The following DNAH9 variants were observed in gnomAD, a reference collection of about 807,000 sequenced individuals.
DNAH9 encodes the protein dynein axonemal heavy chain 9.
In DNAH9, 345 loss-of-function variants were observed where a neutral mutation model predicts 471.6. That is an observed-to-expected ratio of 0.73 (90% CI 0.67 to 0.80). DNAH9 has a LOEUF of 0.80. Among genes scored for constraint, DNAH9 ranks in the 30% least tolerant of loss-of-function variants. The pLI, the probability that DNAH9 is intolerant of heterozygous loss-of-function variation, is 0.00. For synonymous variants in DNAH9, 2,093 were observed against 2,123.6 expected (o/e 0.99, Z 0.40); for missense variants, 5,407 against 5,609.2 (o/e 0.96, Z 1.15).
intron 15 of DNAH9, among the ~76,000 whole-genome samples, chr17:11,666,402 C>T (rs888408835): frequency 3.3e-5 from 5 of 152,172 alleles, no homozygotes; most frequent in Admixed American, 1.3e-4. Flanking sequence ...GTGGGAAGGA[C>T]AGAGTGGGAC....
At chr17:11,652,209 C>T (rs1269568332) in intron 13 of DNAH9, among the ~76,000 whole-genome samples, 2 of 147,306 alleles carry the variant, frequency 1.4e-5, no homozygotes, top group South Asian at 2.2e-4. Context: ...GCTGTACCAG[C>T]TTTTGTGTGC....
At chr17:11,797,526 G>A (rs1969285750) in intron 42 of DNAH9, 71 bp from the exon 43 acceptor site, 3 of 1,254,938 alleles carry the variant, frequency 2.4e-6, no homozygotes. Flanking sequence ...AGCAAATCAG[G>A]TGTCTCTGCT....
At position 11,932,451 on chromosome 17, in the gene DNAH9, G is replaced by A. The variant is rs1364137000; in HGVS notation, c.12297+246G>A. 2.0e-5 allele frequency among the ~76,000 whole-genome samples: 3 copies of A among 152,118 alleles called. No individual in the cohort carries two copies. Among genetic ancestry groups the A allele is most frequent in the Admixed American group, 6.6e-5 (1 of 15,264 alleles). ...ATTTGAAACCTTGATAGTACAAATC[G>A]GAGCCCATGCATCAACATCATTGGC... On this transcript the variant is annotated intron_variant, in intron 64 of 68. Coordinates refer to ENST00000262442, the MANE Select transcript of DNAH9 (RefSeq NM_001372.4). This position sits in a 1 kb window ranked among gnomAD's most constrained non-coding sequence, Gnocchi z 4.3.
At chr17:11,698,178 A>AATT (rs1567728510) in intron 22 of DNAH9, among the ~76,000 whole-genome samples, 5 of 4,922 alleles carry the variant, frequency 1.0e-3, no homozygotes, top group Admixed American at 3.9e-3. Context: ...ATATTAATAT[A>AATT]TTATTATATT....
At chr17:11,617,696 A>G (rs1405656702) in intron 5 of DNAH9, 74 bp downstream of exon 5, 2 of 1,068,754 alleles carry the variant, frequency 1.9e-6, no homozygotes, top group Non-Finnish European at 2.8e-6. Context: ...GAGAAGAGAC[A>G]AGTGTCCTTT....
chr17:11,768,319 C>T (rs2090467395), intron 36 of DNAH9, 134 bp from the exon 37 acceptor site: 4 of 891,106 alleles, frequency 4.5e-6, no homozygotes, highest in Non-Finnish European at 3.5e-6. Context: ...CCTGGAGGAG[C>T]TGGTCTAGCC....
intron 67 of DNAH9, among the ~76,000 whole-genome samples, chr17:11,953,366 GC>G: frequency 6.6e-6 from 1 of 152,160 alleles, no homozygotes; most frequent in Non-Finnish European, 1.5e-5. Flanking sequence ...GACATCAGTG[GC>G]TTTACCTTGC....
chr17:11,694,241 A>T (rs1053110437), intron 21 of DNAH9, 80 bp from the exon 22 acceptor site: 2 of 1,474,672 alleles, frequency 1.4e-6, no homozygotes, highest in African/African-American at 2.8e-5. Context: ...TCTATTGCAT[A>T]TACATACATT....
chr17:11,744,951 T>C lies in DNAH9; in HGVS notation c.6266T>C (p.Ile2089Thr), dbSNP rs753579105. Residue 2089 changes from isoleucine (I) to threonine (T), a missense_variant, in exon 31 of 69, where the codon ATC becomes ACC. Ile to Thr is a moderately conservative substitution (Grantham distance 89). This residue lies in a region of DNAH9 where 4,636 missense variants were observed against 4,900.3 expected (regional missense o/e 0.95). Transcript: ENST00000262442. ...IPKIVTDDMP[I>T]FMGLIGDLFP... ...AAGATTGTGACTGATGACATGCCCA[T>C]CTTCATGGGCCTGATCGGGGACCTC... is the stretch of plus-strand genomic sequence containing the variant. 9 of 1,614,116 alleles carry C rather than the reference T, an allele frequency of 5.6e-6. No individual in the cohort carries two copies. Among genetic ancestry groups the C allele is most frequent in the Non-Finnish European group, 7.6e-6 (9 of 1,180,020 alleles).
In DNAH9 at chr17:11,654,073, AGGCCGGGCGCGGTGGC is replaced by A. The variant is rs2073572221; in HGVS notation, c.2595+1072_2595+1087del. Among the ~76,000 whole-genome samples, 2 of 131,868 alleles carry A rather than the reference AGGCCGGGCGCGGTGGC, an allele frequency of 1.5e-5. 1 individual carries two copies. Among genetic ancestry groups the A allele is most frequent in the Non-Finnish European group, 3.4e-5 (2 of 58,504 alleles). The allele number at this position is 131,868 out of a possible 152,430, so 86.5% of individuals were successfully genotyped here. On this transcript the variant is annotated intron_variant, in intron 14 of 68. Coordinates refer to ENST00000262442, the MANE Select transcript of DNAH9 (RefSeq NM_001372.4). The stretch of plus-strand genomic sequence containing the variant: ...GATTTTAAAAGTTTAAAATCGATCT[AGGCCGGGCGCGGTGGC>A]TCACGCTTGTAATCCCAGCACTTTG...
chr17:11,853,381 G>A (rs980318052), intron 49 of DNAH9: 1 of 152,910 alleles, frequency 6.5e-6, no homozygotes, highest in African/African-American at 2.4e-5. Flanking sequence ...GAAGGTTTAA[G>A]TGATTTGCCA....
In DNAH9 at chr17:11,747,732, C is replaced by T. The variant is rs749384429; in HGVS notation, c.6576C>T (p.Gly2192=). Residue 2192 remains glycine (G), a synonymous_variant, in exon 32 of 69, where the codon GGC becomes GGT. Transcript: ENST00000262442. ...CAGTCACAAATGATGAGCTCTTTGG[C>T]ATCATCAATCCAGCCACAGGAGAAT... ...PKAVTNDELF[G]IINPATGEWK... 1.2e-6 allele frequency: 2 copies of T among 1,614,072 alleles called. No individual in the cohort carries two copies. Among genetic ancestry groups the T allele is most frequent in the Non-Finnish European group, 8.5e-7 (1 of 1,179,968 alleles).
intron 45 of DNAH9, among the ~76,000 whole-genome samples, chr17:11,818,028 A>C (rs1970162999): frequency 6.6e-6 from 1 of 152,224 alleles, no homozygotes; most frequent in Non-Finnish European, 1.5e-5. Flanking sequence ...CAGTAGTTCA[A>C]GAAAGTGCAG....
intron 4 of DNAH9, among the ~76,000 whole-genome samples, chr17:11,616,907 A>G (rs2072758227): frequency 6.6e-6 from 1 of 152,146 alleles, no homozygotes; most frequent in Admixed American, 6.5e-5. Context: ...AAACACCTGC[A>G]TTGGTCCAAG....
intron 49 of DNAH9, among the ~76,000 whole-genome samples, chr17:11,838,960 T>A (rs11868110): frequency 0.011 from 1,749 of 152,314 alleles, 28 homozygotes; most frequent in African/African-American, 0.038. Flanking sequence ...AAAGAATACC[T>A]ATAAATCAGA....
Position 11,690,199 on chromosome 17 carries a change from C to G in DNAH9, c.4377C>G (p.Val1459=). Residue 1459 remains valine, a synonymous_variant, in exon 20 of 69, where the codon GTC becomes GTG. Coordinates refer to ENST00000262442, the MANE Select transcript of DNAH9 (RefSeq NM_001372.4). ...FQYEPHPRTN[V]PLLCSDEDLI... ...ATGAGCCCCACCCACGGACCAATGT[C>G]CCCCTCCTGTGCTCTGATGAGGACC... The G allele has an allele frequency of 1.2e-6, 2 of 1,614,216 alleles. No individual in the cohort carries two copies. Among genetic ancestry groups the G allele is most frequent in the Non-Finnish European group, 1.7e-6 (2 of 1,180,036 alleles).
intron 50 of DNAH9, among the ~76,000 whole-genome samples, chr17:11,860,448 C>T (rs1466438325): frequency 6.6e-6 from 1 of 152,128 alleles, no homozygotes; most frequent in African/African-American, 2.4e-5. Flanking sequence ...GAAATGTCTT[C>T]GTTTTATTCG....
At chr17:11,875,245 A>C in intron 53 of DNAH9, 61 bp downstream of exon 53, 2 of 1,377,690 alleles carry the variant, frequency 1.5e-6, no homozygotes, top group Non-Finnish European at 2.0e-6. Flanking sequence ...TGTATAGATC[A>C]TGAGCAGATT....
intron 36 of DNAH9, among the ~76,000 whole-genome samples, chr17:11,764,000 A>T (rs529464238): frequency 6.6e-6 from 1 of 152,334 alleles, no homozygotes; most frequent in African/African-American, 2.4e-5. Flanking sequence ...GAAACCCTTC[A>T]GTTTTCTTAA....
Sources: gnomAD v4.1 joint callset for allele counts (sites outside exome capture counted in the v4.1 genomes callset) on GRCh38, gnomAD v4.1.1 for gene constraint, gnomAD v4.1.1 regional missense constraint, Gnocchi (gnomAD v3.1) non-coding constraint, MANE v1.5 for transcripts, NCBI Gene and HGNC (gene_info 2026-07-23, HGNC 2026-07-21) for gene names.